The following IL1RAPL2 variants were observed in gnomAD, a reference collection of about 807,000 sequenced individuals.
IL1RAPL2 encodes the protein interleukin 1 receptor accessory protein like 2.
A neutral mutation model predicts 44.1 loss-of-function variants in IL1RAPL2; 3 were observed. That is an observed-to-expected ratio of 0.07 (90% CI 0.03 to 0.18). IL1RAPL2 has a LOEUF of 0.18. Among genes scored for constraint, IL1RAPL2 ranks in the 10% least tolerant of loss-of-function variants. IL1RAPL2 has a pLI of 1.00. For missense variants in IL1RAPL2, 391 were observed against 496.4 expected (o/e 0.79, Z 2.02); for synonymous variants, 181 against 178.8 (o/e 1.01, Z -0.10).
chrX:104,594,399 CTT>C (rs1396993735), intron 1 of IL1RAPL2, among the ~76,000 whole-genome samples: 2 of 111,575 alleles, frequency 1.8e-5, no homozygotes. Flanking sequence ...TTCTATATAA[CTT>C]TGTTTCCATT....
At chrX:104,657,996 G>A (rs1930305795) in intron 1 of IL1RAPL2, among the ~76,000 whole-genome samples, 1 of 112,265 alleles carries the variant, frequency 8.9e-6, no homozygotes, top group Admixed American at 9.4e-5. Flanking sequence ...TGGAGAAATA[G>A]GAAAGCTTTT....
intron 5 of IL1RAPL2, among the ~76,000 whole-genome samples, chrX:105,458,569 T>C (rs2036072172): frequency 8.9e-6 from 1 of 111,923 alleles, no homozygotes; most frequent in South Asian, 3.7e-4. Context: ...AGGTCTCTTC[T>C]GGGCCAAGTA....
intron 6 of IL1RAPL2, among the ~76,000 whole-genome samples, chrX:105,715,463 C>A (rs1341912755): frequency 5.4e-5 from 6 of 111,686 alleles, no homozygotes; most frequent in Non-Finnish European, 7.5e-5. Context: ...TGGTAAAGAT[C>A]ACCTCTTGTT....
intron 1 of IL1RAPL2, among the ~76,000 whole-genome samples, chrX:104,572,042 TTGTATTA>T (rs1326901924): frequency 9.8e-5 from 11 of 112,343 alleles, no homozygotes; most frequent in Non-Finnish European, 3.8e-5. Flanking sequence ...ATCTAGATCA[TTGTATTA>T]TGTTATGAAT....
chrX:105,372,429 C>T (rs1309045784), intron 5 of IL1RAPL2, among the ~76,000 whole-genome samples: 1 of 93,247 alleles, frequency 1.1e-5, no homozygotes. Context: ...GAGTGAGACC[C>T]TATCTCAAAA....
At chrX:105,323,874 A>T (rs764065434) in intron 5 of IL1RAPL2, among the ~76,000 whole-genome samples, 1 of 100,892 alleles carries the variant, frequency 9.9e-6, no homozygotes, top group South Asian at 4.1e-4. Context: ...AGACTCTGTC[A>T]CACACACACA....
At chrX:105,396,460 C>G (rs1351390030) in intron 5 of IL1RAPL2, among the ~76,000 whole-genome samples, 4 of 101,975 alleles carry the variant, frequency 3.9e-5, no homozygotes, top group African/African-American at 1.4e-4. Context: ...AGTATACTAG[C>G]TGGTAATAGC....
intron 2 of IL1RAPL2, among the ~76,000 whole-genome samples, chrX:104,693,705 C>G (rs1931133450): frequency 8.9e-6 from 1 of 112,061 alleles, no homozygotes; most frequent in Non-Finnish European, 1.9e-5. Context: ...GGACCCCAGT[C>G]ATCCTTTTAT....
chrX:105,694,472 A>T (rs767467161), intron 6 of IL1RAPL2, among the ~76,000 whole-genome samples: 14 of 112,151 alleles, frequency 1.2e-4, no homozygotes, highest in Admixed American at 1.2e-3. Context: ...TGTGAAGTTA[A>T]GTAAACATTA....
rs918832942 is a variant in IL1RAPL2 at position 105,635,765 on chromosome X, G to A, written c.773-81602G>A. On this transcript the variant is annotated intron_variant, in intron 6 of 10. Transcript: ENST00000372582. ...AAACCTAAATCTGTTTAACTCTGAA[G>A]CTTATGTTCTTAATCTCTAAGATCT... Among the ~76,000 whole-genome samples, 9 of 111,894 alleles carry A rather than the reference G, an allele frequency of 8.0e-5. No individual in the cohort carries two copies. In the Admixed American group the frequency reaches 8.6e-4, roughly 11 times the overall value.
At chrX:105,101,818 G>A (rs942678267) in intron 2 of IL1RAPL2, among the ~76,000 whole-genome samples, 1 of 111,710 alleles carries the variant, frequency 9.0e-6, no homozygotes, top group African/African-American at 3.3e-5. Context: ...CTCTAAACAT[G>A]TATGTCTAAC....
chrX:104,851,906 T>A (rs1417613029), intron 2 of IL1RAPL2, among the ~76,000 whole-genome samples: 1 of 111,340 alleles, frequency 9.0e-6, no homozygotes, highest in African/African-American at 3.3e-5. Context: ...ATTAATCCAG[T>A]CTTTTGAGAA....
chrX:104,578,520 C>T (rs1473042239), intron 1 of IL1RAPL2, among the ~76,000 whole-genome samples: 1 of 111,431 alleles, frequency 9.0e-6, no homozygotes, highest in African/African-American at 3.3e-5. Context: ...AGGCAGAGAT[C>T]ACGTGCAGAA....
chrX:104,946,181 G>A (rs1198937988), intron 2 of IL1RAPL2, among the ~76,000 whole-genome samples: 1 of 102,174 alleles, frequency 9.8e-6, no homozygotes, highest in African/African-American at 3.6e-5. Flanking sequence ...GACCATCCTG[G>A]CTAACAAGGT....
At chrX:105,023,392 T>C (rs1197333033) in intron 2 of IL1RAPL2, among the ~76,000 whole-genome samples, 2 of 111,527 alleles carry the variant, frequency 1.8e-5, no homozygotes, top group African/African-American at 6.5e-5. Context: ...CCTCTTGTTT[T>C]ATTTTGCTAT....
intron 2 of IL1RAPL2, among the ~76,000 whole-genome samples, chrX:104,927,586 C>CA (rs1429045220): frequency 2.7e-5 from 3 of 111,254 alleles, no homozygotes; most frequent in Admixed American, 9.6e-5. Flanking sequence ...CTTTCTTTCC[C>CA]AAAAAAGATG....
At chrX:105,012,645 T>TCTCTCTCACACA (rs1287477665) in intron 2 of IL1RAPL2, among the ~76,000 whole-genome samples, 1 of 48,509 alleles carries the variant, frequency 2.1e-5, no homozygotes, top group Non-Finnish European at 3.7e-5. Context: ...TCTCTCTCTC[T>TCTCTCTCACACA]CACACACACA....
chrX:105,424,094 C>T (rs918760046), intron 5 of IL1RAPL2, among the ~76,000 whole-genome samples: 4 of 111,441 alleles, frequency 3.6e-5, no homozygotes, highest in African/African-American at 1.3e-4. Flanking sequence ...ATGTGAACCC[C>T]AAAAATCTGA....
chrX:105,057,988 G>A (rs1336751632), intron 2 of IL1RAPL2, among the ~76,000 whole-genome samples: 2 of 100,541 alleles, frequency 2.0e-5, no homozygotes, highest in East Asian at 3.1e-4. Flanking sequence ...TCACTCTGTC[G>A]CCCAGGCTGG....
Sources: allele counts gnomAD v4.1 joint callset (sites outside exome capture counted in the v4.1 genomes callset), GRCh38; gene constraint gnomAD v4.1.1; transcripts MANE v1.5; gene names NCBI Gene and HGNC (gene_info 2026-07-23, HGNC 2026-07-21).